TTLL13: variants seen among roughly 807,000 people sequenced by gnomAD.
TTLL13 encodes tubulin tyrosine ligase like 13.
chr15:90,250,916 C>T, the TTLL13 span: 9 of 1,607,986 alleles, frequency 5.6e-6, no homozygotes, highest in African/African-American at 1.1e-4. Context: ...CCCTCAACTG[C>T]CCAGCTCCAG....
chr15:90,262,737 G>C, the TTLL13 span: 2 of 1,373,798 alleles, frequency 1.5e-6, no homozygotes, highest in African/African-American at 2.9e-5. Flanking sequence ...ATAGGGGAAT[G>C]AATCTCTGCT....
At chr15:90,260,486 G>C in the TTLL13 span, among the ~76,000 whole-genome samples, 1 of 152,036 alleles carries the variant, frequency 6.6e-6, no homozygotes, top group Non-Finnish European at 1.5e-5. Context: ...GATAGAGTGA[G>C]ACCTTGTTTC....
the TTLL13 span, among the ~76,000 whole-genome samples, chr15:90,250,018 T>C: frequency 4.6e-5 from 7 of 151,842 alleles, no homozygotes; most frequent in Admixed American, 1.3e-4. Context: ...AGTGCAGTGG[T>C]GTGATCTCGG....
At chr15:90,257,683 A>G in the TTLL13 span, 1 of 1,614,176 alleles carries the variant, frequency 6.2e-7, no homozygotes, top group South Asian at 1.1e-5. Flanking sequence ...AACAAACACA[A>G]TGAGAATTTT....
the TTLL13 span, chr15:90,256,079 A>G: frequency 3.2e-4 from 513 of 1,590,930 alleles, 2 homozygotes; most frequent in African/African-American, 6.3e-3. Context: ...GAAGAGCTCC[A>G]TGCGGCCCCG....
the TTLL13 span, chr15:90,256,423 G>C: frequency 8.4e-7 from 1 of 1,196,018 alleles, no homozygotes; most frequent in Non-Finnish European, 1.2e-6. Flanking sequence ...CGTTTTCCTG[G>C]AGGCAGTATC....
chr15:90,263,124 G>T, the TTLL13 span: 1 of 1,526,394 alleles, frequency 6.6e-7, no homozygotes, highest in South Asian at 1.2e-5. Flanking sequence ...CCCAGGGCCA[G>T]AAAAAACTTC....
the TTLL13 span, chr15:90,263,210 G>A: frequency 7.1e-7 from 1 of 1,404,070 alleles, no homozygotes; most frequent in Non-Finnish European, 9.4e-7. Flanking sequence ...AGGACATGGT[G>A]TTGGTCTCAA....
the TTLL13 span, chr15:90,264,609 G>T: frequency 8.0e-7 from 1 of 1,254,282 alleles, no homozygotes; most frequent in South Asian, 1.5e-5. Flanking sequence ...ACAGTGGAGG[G>T]AAGCATGAGA....
the TTLL13 span, chr15:90,250,815 C>A: frequency 1.9e-6 from 3 of 1,614,116 alleles, no homozygotes; most frequent in South Asian, 3.3e-5. Flanking sequence ...ACAAAAATTC[C>A]GAAGAAAGTC....
At chr15:90,260,183 G>C in the TTLL13 span, among the ~76,000 whole-genome samples, 1 of 152,168 alleles carries the variant, frequency 6.6e-6, no homozygotes, top group African/African-American at 2.4e-5. Context: ...TCGTACACTA[G>C]AGTACTAGGC....
chr15:90,257,553 G>T, the TTLL13 span: 3 of 1,270,214 alleles, frequency 2.4e-6, no homozygotes, highest in Non-Finnish European at 3.4e-6. Flanking sequence ...CCTCGGGAGG[G>T]GTGGGGAGCA....
the TTLL13 span, chr15:90,250,700 T>C: frequency 6.2e-7 from 1 of 1,614,092 alleles, no homozygotes; most frequent in African/African-American, 1.3e-5. Context: ...ATCTGAGAAG[T>C]GTGTTAAAGA....
chr15:90,262,127 T>G, the TTLL13 span: 4 of 1,535,956 alleles, frequency 2.6e-6, no homozygotes, highest in Non-Finnish European at 3.5e-6. Flanking sequence ...TGCCCGCTTC[T>G]TCAAGCACAA....
At chr15:90,264,536 A>G in the TTLL13 span, among the ~76,000 whole-genome samples, 2 of 152,218 alleles carry the variant, frequency 1.3e-5, no homozygotes, top group Admixed American at 1.3e-4. Flanking sequence ...CCCAGCACTC[A>G]AGAGGTAATA....
At chr15:90,260,829 C>T in the TTLL13 span, among the ~76,000 whole-genome samples, 4 of 132,062 alleles carry the variant, frequency 3.0e-5, no homozygotes, top group African/African-American at 1.2e-4. Context: ...CCAGCCTGGG[C>T]GATAGAGCAG....
chr15:90,264,385 A>C, the TTLL13 span, among the ~76,000 whole-genome samples: 1 of 152,136 alleles, frequency 6.6e-6, no homozygotes, highest in East Asian at 1.9e-4. Flanking sequence ...TTTGCCACGT[A>C]GCCCAGGCTG....
the TTLL13 span, among the ~76,000 whole-genome samples, chr15:90,254,784 C>T: frequency 2.6e-5 from 4 of 151,152 alleles, no homozygotes; most frequent in East Asian, 4.0e-4. Flanking sequence ...AGGCAGAGGC[C>T]GCAGTGAGCT....
At chr15:90,263,028 G>A in the TTLL13 span, 3 of 1,536,148 alleles carry the variant, frequency 2.0e-6, no homozygotes, top group Non-Finnish European at 2.6e-6. Flanking sequence ...AGGAGCTGGA[G>A]CGGATGAAGG....
Sources: allele counts gnomAD v4.1 joint callset (sites outside exome capture counted in the v4.1 genomes callset), GRCh38; gene constraint gnomAD v4.1.1; transcripts MANE v1.5; gene names NCBI Gene and HGNC (gene_info 2026-07-23, HGNC 2026-07-21).